Variants in DEAF1 observed in about 807,000 individuals in gnomAD.
DEAF1 encodes deformed epidermal autoregulatory factor 1 homolog.
DEAF1 carries 53 observed loss-of-function variants against 58.9 expected under a neutral mutation model. That is an observed-to-expected ratio of 0.90 (90% CI 0.72 to 1.13). DEAF1 has a LOEUF of 1.13. Among genes scored for constraint, DEAF1 ranks in the 50% most tolerant of loss-of-function variants. The pLI, the probability that DEAF1 is intolerant of heterozygous loss-of-function variation, is 0.00. For missense variants in DEAF1, 685 were observed against 791.4 expected (o/e 0.87, Z 1.61); for synonymous variants, 385 against 340.4 (o/e 1.13, Z -1.44).
intron 11 of DEAF1, among the ~76,000 whole-genome samples, chr11:648,385 CG>C (rs1858599961): frequency 6.6e-6 from 1 of 151,962 alleles, no homozygotes; most frequent in South Asian, 2.1e-4. Flanking sequence ...TTAGTAGAGA[CG>C]GGGTTTCACC....
chr11:680,976 G>A lies in DEAF1; in HGVS notation c.984C>T (p.Thr328=), dbSNP rs762160777. The A allele has an allele frequency of 1.9e-5, 31 of 1,614,040 alleles. No homozygotes were observed. Among genetic ancestry groups the A allele is most frequent in the Admixed American group, 3.3e-5 (2 of 59,992 alleles). ...SPKNITLLPA[T]AATTFTVTPS... The stretch of plus-strand genomic sequence containing the variant: ...TCTCAAACTCACAGGTGGTAGCCGC[G>A]GTGGCTGGAAGCAATGTGATGTTCT... The change falls in exon 7 of 12, where the codon ACC becomes ACT. Residue 328 remains threonine, a synonymous_variant. Coordinates refer to ENST00000382409, the MANE Select transcript of DEAF1 (RefSeq NM_021008.4).
At position 644,813 on chromosome 11, in the gene DEAF1, G is replaced by A. The variant is rs1043085784; in HGVS notation, c.1594-159C>T. Among the ~76,000 whole-genome samples the A allele has an allele frequency of 1.2e-4, 19 of 152,082 alleles. No homozygotes were observed. The highest frequency in any genetic ancestry group is 4.6e-4 in the African/African-American group (19 of 41,408). ...CCCCCGTGCGCCCAAACTCTGGTGG[G>A]CTCTGCTCCAATACAGCCTTCCCCA... On this transcript the variant is annotated intron_variant, in intron 11 of 11. Coordinates refer to ENST00000382409, the MANE Select transcript of DEAF1 (RefSeq NM_021008.4). This position sits in a 1 kb window ranked among gnomAD's most constrained non-coding sequence, Gnocchi z 4.3.
chr11:679,722 A>G lies in DEAF1; in HGVS notation c.1092T>C (p.Ser364=), dbSNP rs767847645. 3 of 1,613,480 alleles carry G rather than the reference A, an allele frequency of 1.9e-6. No individual in the cohort carries two copies. Among genetic ancestry groups the G allele is most frequent in the Non-Finnish European group, 2.5e-6 (3 of 1,179,984 alleles). Residue 364 remains serine, a synonymous_variant, in exon 8 of 12, where the codon AGT becomes AGC. Transcript: ENST00000382409. ...CTGCGAAGACGTCGCCCTGGGCCGG[A>G]CTCTCTGATATGACAGCAGTGGCCT... ...TVEATAVISE[S]PAQGDVFAGA...
intron 11 of DEAF1, among the ~76,000 whole-genome samples, chr11:646,986 T>TA (rs58523027): frequency 6.9e-4 from 102 of 148,574 alleles, no homozygotes; most frequent in Admixed American, 1.4e-3. Flanking sequence ...CCTATCTCTA[T>TA]AAAAAAAAAA....
At chr11:695,387 A>T, upstream of DEAF1, 1 of 419,656 alleles carries the variant, frequency 2.4e-6, no homozygotes, top group Non-Finnish European at 4.2e-6. Context: ...AGGGCTTCCG[A>T]GAGACTCGGC....
intron 10 of DEAF1, chr11:665,785 C>T (rs2133333530): frequency 6.6e-6 from 1 of 152,264 alleles, no homozygotes. Context: ...TGGAGGCAGC[C>T]CCAGGCCACC....
chr11:678,866 G>T (rs772823322), intron 8 of DEAF1, 44 bp from the exon 9 acceptor site: 1 of 1,610,092 alleles, frequency 6.2e-7, no homozygotes, highest in South Asian at 1.1e-5. Context: ...ATGGTTGTCC[G>T]CACAGCAGAC....
intron 1 of DEAF1, chr11:701,214 CTG>C (rs1263653281): frequency 2.8e-5 from 5 of 176,016 alleles, no homozygotes; most frequent in East Asian, 1.5e-4. Flanking sequence ...AGGTCTCACT[CTG>C]TTGCCCAGGC....
Position 695,012 on chromosome 11 carries a change from G to C in DEAF1, c.36C>G (p.Gly12=). The change falls in exon 1 of 12, where the codon GGC becomes GGG. Residue 12 remains glycine, a synonymous_variant. Transcript: ENST00000382409. The part of the protein sequence containing the change: ...EDSDSAAKQL[G]LAEAAAVAAA... ...CCGCCACCGCCGCCGCCTCAGCCAG[G>C]CCCAGCTGCTTTGCCGCCGAGTCCG... 7.2e-7 allele frequency: 1 copy of C among 1,388,340 alleles called. No homozygotes were observed. The highest frequency in any genetic ancestry group is 1.4e-5 in the South Asian group (1 of 70,172). The allele number at this position is 1,388,340 out of a possible 1,614,324, so 86.0% of individuals were successfully genotyped here. A position where few individuals can be genotyped will look rare whatever the true frequency, so the allele number is the denominator to read the frequency against.
At chr11:684,536 C>G (rs1336189683) in intron 6 of DEAF1, among the ~76,000 whole-genome samples, 1 of 152,142 alleles carries the variant, frequency 6.6e-6, no homozygotes, top group Non-Finnish European at 1.5e-5. Context: ...TTTACAGTAG[C>G]ATTTTTCTGA....
rs911752105 is a variant in DEAF1, at chr11:694,976, A to G, written c.72T>C (p.Ala24=). ...AEAAAVAAAA[A]VAAAAAAAAG... ...CCGCGGCCGCGGCCGCCGCCGCCAC[A>G]GCGGCCGCGGCCGCCACCGCCGCCG... Residue 24 remains alanine, a synonymous_variant, in exon 1 of 12, where the codon GCT becomes GCC. Coordinates refer to ENST00000382409, the MANE Select transcript of DEAF1 (RefSeq NM_021008.4). 3.6e-5 allele frequency: 36 copies of G among 1,013,194 alleles called. No homozygotes were observed. The East Asian group carries it at 4.0e-4, about 11-fold the overall frequency. The allele number at this position is 1,013,194 out of a possible 1,614,324, so 62.8% of individuals were successfully genotyped here.
intron 1 of DEAF1, among the ~76,000 whole-genome samples, chr11:701,852 G>A (rs1286647097): frequency 6.6e-6 from 1 of 152,206 alleles, no homozygotes; most frequent in Non-Finnish European, 1.5e-5. Context: ...TCTTGTACAA[G>A]ATTCAAGGGG....
chr11:697,354 G>A (rs1273393970), upstream of DEAF1: 2 of 152,218 alleles, frequency 1.3e-5, no homozygotes, highest in Non-Finnish European at 2.9e-5. Context: ...TTTAACTTCT[G>A]CCTGACACAG....
chr11:695,809 G>C, upstream of DEAF1: 1 of 1,232,454 alleles, frequency 8.1e-7, no homozygotes, highest in Non-Finnish European at 1.0e-6. Flanking sequence ...GCGACGGACC[G>C]GCGGGCGGGG....
intron 10 of DEAF1, among the ~76,000 whole-genome samples, chr11:659,430 C>CA (rs1423177416): frequency 6.6e-6 from 1 of 152,102 alleles, no homozygotes; most frequent in Non-Finnish European, 1.5e-5. Context: ...AAAACCTAGA[C>CA]ACACCCCGGA....
intron 1 of DEAF1, chr11:701,115 G>A (rs903326508): frequency 1.4e-5 from 3 of 218,444 alleles, no homozygotes; most frequent in Non-Finnish European, 2.8e-5. Flanking sequence ...AGCAGAGTCT[G>A]GAGGGGTGGG....
intron 11 of DEAF1, among the ~76,000 whole-genome samples, chr11:652,448 G>A (rs980383007): frequency 6.6e-6 from 1 of 152,078 alleles, no homozygotes; most frequent in Non-Finnish European, 1.5e-5. Context: ...GACCAGCCTG[G>A]GCAACATGGT....
chr11:699,697 A>G (rs1861355114), upstream of DEAF1: 4 of 156,960 alleles, frequency 2.5e-5, no homozygotes, highest in South Asian at 7.4e-4. Context: ...GCAGTGAGCC[A>G]AGATTGTGCC....
In DEAF1 at chr11:663,166, G is replaced by C. The variant is rs926378394; in HGVS notation, c.1504-9115C>G. On this transcript the variant is annotated intron_variant, in intron 10 of 11. Coordinates refer to ENST00000382409, the MANE Select transcript of DEAF1 (RefSeq NM_021008.4). Reference sequence around the variant, plus strand: ...GTCTCTATAAAAAACACAAAACCTAGTTGAGCATGGTGGCTTACGTCTGTA... The same window carrying C: ...GTCTCTATAAAAAACACAAAACCTACTTGAGCATGGTGGCTTACGTCTGTA... Among the ~76,000 whole-genome samples, 50 of 152,320 alleles carry C rather than the reference G, an allele frequency of 3.3e-4. 1 individual carries two copies. Among genetic ancestry groups the C allele is most frequent in the African/African-American group, 1.2e-3 (50 of 41,572 alleles).
Sources: allele counts gnomAD v4.1 joint callset (sites outside exome capture counted in the v4.1 genomes callset), GRCh38; gene constraint gnomAD v4.1.1; non-coding constraint Gnocchi (gnomAD v3.1); transcripts MANE v1.5; gene names NCBI Gene and HGNC (gene_info 2026-07-23, HGNC 2026-07-21).